Variants in LRP2 observed in about 807,000 individuals in gnomAD.
LRP2 encodes low-density lipoprotein receptor-related protein 2.
LRP2 carries 172 observed loss-of-function variants against 531.0 expected under a neutral mutation model. The ratio of observed to expected loss-of-function variants is 0.32; its 90% CI spans 0.29 to 0.37. The LOEUF is 0.37. LRP2 is among the 10% of genes least tolerant of loss of function. The pLI is 1.00. For synonymous variants in LRP2, 1,992 were observed against 2,027.6 expected (o/e 0.98, Z 0.47); for missense variants, 5,167 against 5,868.3 (o/e 0.88, Z 3.90).
Position 169,188,108 on chromosome 2 carries a change from G to A in LRP2, c.9190C>T (p.Leu3064=). 6.2e-7 allele frequency: 1 copy of A among 1,614,116 alleles called. No homozygotes were observed. The highest frequency in any genetic ancestry group is 8.5e-7 in the Non-Finnish European group (1 of 1,180,022). Residue 3064 remains leucine, a synonymous_variant, in exon 49 of 79, where the codon CTG becomes TTG. Transcript: ENST00000649046. ...DNDCGDGSDE[L]MHLCHTPEPT... ...TCTGGGGTGTGGCACAGGTGCATCA[G>A]CTCATCAGATCCGTCTCCACAGTCA...
chr2:169,226,585 T>A lies in LRP2; in HGVS notation c.5231A>T (p.Asp1744Val), dbSNP rs1689208462. 1 of 1,608,870 alleles carries A rather than the reference T, an allele frequency of 6.2e-7. No homozygotes were observed. ...CCTTACAGTTATTAAGAAAGGTTGA[T>A]CATCTGTGAAAATAGAAGAATATCA... ...SPDLLNCLRD[D>V]QPFLITVRQH... The change falls in exon 32 of 79, where the codon GAT becomes GTT. Residue 1744 changes from aspartate (D) to valine (V), a missense_variant. By Grantham distance (152) the Asp-to-Val change is radical (BLOSUM62 -3). This residue lies in a region of LRP2 where 2,811 missense variants were observed against 3,058.0 expected (regional missense o/e 0.92). Coordinates refer to ENST00000649046, the MANE Select transcript of LRP2 (RefSeq NM_004525.3).
At chr2:169,211,063 A>G (rs1688574318) in intron 37 of LRP2, among the ~76,000 whole-genome samples, 1 of 152,236 alleles carries the variant, frequency 6.6e-6, no homozygotes, top group African/African-American at 2.4e-5. Flanking sequence ...TATCTGTACA[A>G]GATGATAACT....
At chr2:169,128,885 A>T (rs1685186919) in intron 78 of LRP2, 55 bp from the exon 79 acceptor site, 7 of 1,602,560 alleles carry the variant, frequency 4.4e-6, no homozygotes, top group Non-Finnish European at 1.7e-6. Context: ...GTCACCATAC[A>T]CGGTTTTTCA....
At chr2:169,352,233 G>A (rs1685869984) in intron 1 of LRP2, among the ~76,000 whole-genome samples, 1 of 152,086 alleles carries the variant, frequency 6.6e-6, no homozygotes, top group African/African-American at 2.4e-5. Flanking sequence ...GGTGACCAAG[G>A]TAAGAACAAA....
In LRP2 at chr2:169,156,294, C is replaced by A. The variant is rs756668251; in HGVS notation, c.12131G>T (p.Gly4044Val). ...CATACCCTCAGCTGCACATCGTTTT[C>A]CAGGGCGGTCACTCATAGACGTGAA... is the stretch of plus-strand genomic sequence containing the variant. Reference protein sequence around the residue: ...DGFTSMSDRPGKRCAAEGSSP... With the variant: ...DGFTSMSDRPVKRCAAEGSSP... Residue 4044 changes from glycine to valine, a missense_variant, in exon 65 of 79, where the codon GGA becomes GTA. This residue lies in a region of LRP2 where 564 missense variants were observed against 747.7 expected (regional missense o/e 0.75). Transcript: ENST00000649046. 6.2e-7 allele frequency: 1 copy of A among 1,613,712 alleles called. No homozygotes were observed. The highest frequency in any genetic ancestry group is 1.7e-5 in the Admixed American group (1 of 59,980).
chr2:169,319,172 T>C (rs1243427137), intron 2 of LRP2, among the ~76,000 whole-genome samples: 2 of 152,198 alleles, frequency 1.3e-5, no homozygotes, highest in African/African-American at 2.4e-5. Context: ...AGGTATTAGA[T>C]TAAAAGCTTC....
intron 1 of LRP2, among the ~76,000 whole-genome samples, chr2:169,338,576 T>A (rs1314099285): frequency 2.6e-5 from 4 of 152,324 alleles, no homozygotes; most frequent in Admixed American, 2.6e-4. Flanking sequence ...GAAGTTTCAA[T>A]AAATTTGTCC....
intron 50 of LRP2, 109 bp downstream of exon 50, chr2:169,185,394 T>G (rs1687598480): frequency 7.9e-6 from 8 of 1,006,874 alleles, no homozygotes; most frequent in African/African-American, 1.6e-5. Context: ...AAACATTAAA[T>G]GTATCTGCAT....
At chr2:169,147,126 G>A (rs1229995991) in intron 68 of LRP2, among the ~76,000 whole-genome samples, 167 bp from the exon 69 acceptor site, 1 of 152,128 alleles carries the variant, frequency 6.6e-6, no homozygotes, top group Non-Finnish European at 1.5e-5. Context: ...AAAAATAGGG[G>A]CGCAAGAGCA....
intron 19 of LRP2, 76 bp from the exon 20 acceptor site, chr2:169,247,591 A>C: frequency 6.7e-7 from 1 of 1,501,710 alleles, no homozygotes. Flanking sequence ...AAAATGCAAT[A>C]GGCTTGAAAT....
intron 33 of LRP2, 139 bp downstream of exon 33, chr2:169,225,171 A>G (rs911612215): frequency 2.1e-5 from 16 of 747,210 alleles, no homozygotes; most frequent in Non-Finnish European, 3.3e-5. Context: ...AGAGACTTTG[A>G]TAGTTAACAC....
In LRP2 at chr2:169,204,057, C is replaced by T; in HGVS notation, c.7930G>A (p.Val2644Met). The change falls in exon 42 of 79, where the codon GTG becomes ATG. Residue 2644 changes from valine (V) to methionine (M), a missense_variant. By Grantham distance (21) the Val-to-Met change is conservative. Coordinates refer to ENST00000649046, the MANE Select transcript of LRP2 (RefSeq NM_004525.3). ...TTACACTGTTGTTTCTGGTTCTTCACAACAGTGTTGATTCCCCTGGGCTGG... is the reference window on the plus strand; with the variant it reads ...TTACACTGTTGTTTCTGGTTCTTCATAACAGTGTTGATTCCCCTGGGCTGG... ...LSQPRGINTVVKNQKQQCNNP... is the reference protein window; with the variant it reads ...LSQPRGINTVMKNQKQQCNNP... The T allele has an allele frequency of 6.2e-7, 1 of 1,614,234 alleles. No homozygotes were observed. Among genetic ancestry groups the T allele is most frequent in the Non-Finnish European group, 8.5e-7 (1 of 1,180,018 alleles).
intron 1 of LRP2, among the ~76,000 whole-genome samples, chr2:169,328,070 C>G (rs1685156172): frequency 1.5e-5 from 2 of 137,372 alleles, no homozygotes; most frequent in African/African-American, 5.6e-5. Context: ...GAGGTGGGGT[C>G]AGCCCCCCGC....
intron 16 of LRP2, among the ~76,000 whole-genome samples, chr2:169,260,648 G>C (rs185706737): frequency 1.3e-4 from 20 of 152,146 alleles, no homozygotes; most frequent in Admixed American, 2.6e-4. Flanking sequence ...CTACAGAAAG[G>C]CTTGCTTGGT....
Position 169,343,374 on chromosome 2 carries a change from GAT to G in LRP2, c.79+18945_79+18946del, listed in dbSNP as rs796957954. 4.6e-5 allele frequency among the ~76,000 whole-genome samples: 7 copies of G among 152,262 alleles called. No individual in the cohort carries two copies. In the East Asian group the frequency reaches 1.2e-3, roughly 25 times the overall value. ...GTATTTTTCCCCAGCAATTTCTATG[GAT>G]AGAGAATTTGACAAGTGGTTTCTTT... On this transcript the variant is annotated intron_variant, in intron 1 of 78. Coordinates refer to ENST00000649046, the MANE Select transcript of LRP2 (RefSeq NM_004525.3).
intron 1 of LRP2, among the ~76,000 whole-genome samples, chr2:169,327,802 A>AG (rs1428104205): frequency 5.0e-5 from 4 of 79,386 alleles, no homozygotes; most frequent in Admixed American, 1.3e-4. Flanking sequence ...CTGGGAGGTG[A>AG]GGGGCGCCTC....
intron 45 of LRP2, 127 bp downstream of exon 45, chr2:169,198,659 T>A: frequency 9.0e-7 from 1 of 1,111,172 alleles, no homozygotes; most frequent in Non-Finnish European, 1.3e-6. Flanking sequence ...GCCTACCACC[T>A]CTACTTAGAA....
In LRP2 at chr2:169,185,845, T is replaced by C. The variant is rs771646981; in HGVS notation, c.9503A>G (p.Glu3168Gly). The C allele has an allele frequency of 1.2e-6, 2 of 1,614,102 alleles. No homozygotes were observed. Among genetic ancestry groups the C allele is most frequent in the Middle Eastern group, 1.7e-4 (1 of 6,060 alleles). ...EMPFVCSQKC[E>G]NVIGSYICKC... is the part of the protein sequence containing the mutation. The stretch of plus-strand genomic sequence containing the variant: ...ACAGATGTAGGAGCCTATTACATTC[T>C]CACACTTCTGGCTACAGACAAAAGG... The change falls in exon 50 of 79, where the codon GAG becomes GGG. Residue 3168 changes from glutamate (E) to glycine (G), a missense_variant. Transcript: ENST00000649046.
chr2:169,285,858 A>G (rs538836779), intron 9 of LRP2, among the ~76,000 whole-genome samples: 3 of 152,244 alleles, frequency 2.0e-5, no homozygotes, highest in African/African-American at 7.2e-5. Context: ...GGATTATTCA[A>G]TGTTATTCTT....
Sources: allele counts gnomAD v4.1 joint callset (sites outside exome capture counted in the v4.1 genomes callset), GRCh38; gene constraint gnomAD v4.1.1; regional missense constraint gnomAD v4.1.1; transcripts MANE v1.5; gene names NCBI Gene and HGNC (gene_info 2026-07-23, HGNC 2026-07-21).